The following CDC20B variants were observed in gnomAD, a reference collection of about 807,000 sequenced individuals.
The protein encoded by CDC20B is cell division cycle protein 20 homolog B.
CDC20B carries 58 observed loss-of-function variants against 64.1 expected under a neutral mutation model. The observed-to-expected ratio is 0.90, with a 90% CI of 0.73 to 1.13. The LOEUF is 1.13. Among genes scored for constraint, CDC20B ranks in the 50% most tolerant of loss-of-function variants. The pLI is 0.00. For missense variants in CDC20B, 597 were observed against 633.0 expected (o/e 0.94, Z 0.61); for synonymous variants, 243 against 230.6 (o/e 1.05, Z -0.49).
chr5:55,161,712 T>C (rs1359869485), intron 2 of CDC20B, among the ~76,000 whole-genome samples: 1 of 152,252 alleles, frequency 6.6e-6, no homozygotes, highest in African/African-American at 2.4e-5. Context: ...AAGATGAATA[T>C]GTCAGCTTAC....
chr5:55,136,210 T>C (rs1231000544), intron 5 of CDC20B, among the ~76,000 whole-genome samples: 1 of 151,294 alleles, frequency 6.6e-6, no homozygotes, highest in African/African-American at 2.4e-5. Context: ...CCTCCCAAAG[T>C]GCTGGGATTA....
chr5:55,146,296 G>A (rs1501829), intron 3 of CDC20B, among the ~76,000 whole-genome samples: 2,410 of 152,264 alleles, frequency 0.016, 34 homozygotes, highest in Middle Eastern at 0.024. Flanking sequence ...CGGCTCCTAC[G>A]CACTTCCAAT....
intron 6 of CDC20B, among the ~76,000 whole-genome samples, chr5:55,129,591 GT>G (rs1288659641): frequency 6.6e-6 from 1 of 152,218 alleles, no homozygotes; most frequent in Non-Finnish European, 1.5e-5. Context: ...TCCTCTGAGT[GT>G]GAGTATATTA....
Position 55,119,545 on chromosome 5 carries a change from C to T in CDC20B, c.1459+256G>A, listed in dbSNP as rs549784320. 6.6e-5 allele frequency among the ~76,000 whole-genome samples: 10 copies of T among 152,238 alleles called. No homozygotes were observed. In the East Asian group the frequency reaches 9.6e-4, roughly 15 times the overall value. On this transcript the variant is annotated intron_variant, in intron 11 of 11. Transcript: ENST00000381375. ...TGCTAACTCGAGTTCAAAAACTGCCCAAGATCACCACTCCATCATTCATAT... is the reference window on the plus strand; with the variant it reads ...TGCTAACTCGAGTTCAAAAACTGCCTAAGATCACCACTCCATCATTCATAT...
At chr5:55,169,234 A>T (rs1324365299) in intron 2 of CDC20B, among the ~76,000 whole-genome samples, 2 of 152,256 alleles carry the variant, frequency 1.3e-5, no homozygotes, top group Non-Finnish European at 2.9e-5. Context: ...AAAGTAGTAA[A>T]ATGCGTAAGA....
chr5:55,170,948 C>T (rs1191122679), intron 2 of CDC20B, among the ~76,000 whole-genome samples: 2 of 152,198 alleles, frequency 1.3e-5, no homozygotes, highest in Non-Finnish European at 2.9e-5. Context: ...TTTCAGAATA[C>T]TTACATTTAG....
chr5:55,150,907 G>A (rs1203493463), intron 2 of CDC20B, among the ~76,000 whole-genome samples: 1 of 152,052 alleles, frequency 6.6e-6, no homozygotes, highest in Non-Finnish European at 1.5e-5. Context: ...CACCACACCT[G>A]GCTAATTTTT....
intron 2 of CDC20B, chr5:55,160,196 G>A (rs200179703): frequency 5.0e-6 from 8 of 1,613,356 alleles, no homozygotes; most frequent in Non-Finnish European, 5.9e-6. Flanking sequence ...CTCCAACATG[G>A]AGCCTCTTGC....
At chr5:55,133,073 C>G (rs1250185966) in intron 6 of CDC20B, among the ~76,000 whole-genome samples, 1 of 152,194 alleles carries the variant, frequency 6.6e-6, no homozygotes, top group Non-Finnish European at 1.5e-5. Flanking sequence ...AGATTACAAG[C>G]TGGGCACATA....
chr5:55,130,311 T>C (rs1446835164), intron 6 of CDC20B, among the ~76,000 whole-genome samples: 1 of 152,132 alleles, frequency 6.6e-6, no homozygotes, highest in Non-Finnish European at 1.5e-5. Flanking sequence ...TGAATATAGA[T>C]AACAGAAATT....
chr5:55,142,891 A>G (rs933078964), intron 4 of CDC20B, among the ~76,000 whole-genome samples: 2 of 152,216 alleles, frequency 1.3e-5, no homozygotes, highest in Admixed American at 6.5e-5. Context: ...AAGCTTTCGA[A>G]CTGAAATATG....
rs892920698 is a variant in CDC20B, at chr5:55,173,071, TAA to T, written c.-73_-72del. 5.6e-5 allele frequency: 78 copies of T among 1,396,564 alleles called. No individual in the cohort carries two copies. The highest frequency in any genetic ancestry group is 6.8e-5 in the Non-Finnish European group (68 of 1,004,110). 86.5% of individuals were successfully genotyped at this position (1,396,564 alleles called of 1,614,324 possible). A position where few individuals can be genotyped will look rare whatever the true frequency, so the allele number is the denominator to read the frequency against. On this transcript the variant is annotated 5_prime_UTR_variant, in exon 1 of 12. Coordinates refer to ENST00000381375, the MANE Select transcript of CDC20B (RefSeq NM_001170402.1). ...CTGCCTCTGGTTTTCTTCCCAGGTC[TAA>T]GTCAGTCTTGACGCCTAATCGTCAA...
At chr5:55,121,565 C>T (rs2783487) in intron 9 of CDC20B, among the ~76,000 whole-genome samples, 90,727 of 151,758 alleles carry the variant, frequency 0.6, 27,440 homozygotes, top group Admixed American at 0.69. Context: ...TCATAAAGTA[C>T]ATTGTAATGA....
At chr5:55,172,411 C>T (rs1744631419) in intron 2 of CDC20B, 177 bp downstream of exon 2, 3 of 574,740 alleles carry the variant, frequency 5.2e-6, no homozygotes, top group Non-Finnish European at 9.3e-6. Flanking sequence ...CAAACGATTG[C>T]ATTATTTGTC....
At chr5:55,168,692 TA>T (rs1269144395) in intron 2 of CDC20B, among the ~76,000 whole-genome samples, 1 of 152,084 alleles carries the variant, frequency 6.6e-6, no homozygotes, top group African/African-American at 2.4e-5. Flanking sequence ...AAAGAAAACT[TA>T]AAAAAATTTA....
chr5:55,125,009 C>T lies in CDC20B; in HGVS notation c.1009G>A (p.Val337Ile), dbSNP rs764821924. 1.2e-6 allele frequency: 2 copies of T among 1,613,748 alleles called. No individual in the cohort carries two copies. Among genetic ancestry groups the T allele is most frequent in the Non-Finnish European group, 1.7e-6 (2 of 1,179,620 alleles). ...GCTACCCGAACATCGTGATGATAAA[C>T]ACGCCCCAGTCTTGACCCACTGCGA... Reference protein sequence around the residue: ...ILSSGSRLGRVYHHDVRVAQH... With the variant: ...ILSSGSRLGRIYHHDVRVAQH... The change falls in exon 9 of 12, where the codon GTT (valine) becomes ATT (isoleucine). Residue 337 changes from valine to isoleucine, a missense_variant. Coordinates refer to ENST00000381375, the MANE Select transcript of CDC20B (RefSeq NM_001170402.1).
chr5:55,120,963 T>C (rs964744935), intron 9 of CDC20B, among the ~76,000 whole-genome samples: 5 of 152,148 alleles, frequency 3.3e-5, no homozygotes, highest in African/African-American at 1.2e-4. Flanking sequence ...ATGTTCCAGG[T>C]AGTGGTCAGA....
At chr5:55,139,279 G>C (rs1446264960) in intron 5 of CDC20B, among the ~76,000 whole-genome samples, 4 of 152,166 alleles carry the variant, frequency 2.6e-5, no homozygotes, top group South Asian at 2.1e-4. Context: ...AAGCATAAAA[G>C]AAAAATAAGG....
At position 55,160,639 on chromosome 5, in the gene CDC20B, T is replaced by G. The variant is rs1392401488; in HGVS notation, c.126+11949A>C. The G allele has an allele frequency of 7.9e-6, 4 of 505,864 alleles. No individual in the cohort carries two copies. In the East Asian group the frequency reaches 1.3e-4, roughly 17 times the overall value. 31.3% of individuals were successfully genotyped at this position (505,864 alleles called of 1,614,324 possible). On this transcript the variant is annotated intron_variant, in intron 2 of 11. Transcript: ENST00000381375. ...GTGCTGAATTGACATGTAAAGTTGTTTGGAAAATACTTATAGTTAGTAATG... is the reference window on the plus strand; with the variant it reads ...GTGCTGAATTGACATGTAAAGTTGTGTGGAAAATACTTATAGTTAGTAATG...
Sources: gnomAD v4.1 joint callset for allele counts (sites outside exome capture counted in the v4.1 genomes callset) on GRCh38, gnomAD v4.1.1 for gene constraint, MANE v1.5 for transcripts, NCBI Gene and HGNC (gene_info 2026-07-23, HGNC 2026-07-21) for gene names.